KLHDC8A: variants seen among roughly 807,000 people sequenced by gnomAD.
KLHDC8A encodes the protein kelch domain containing 8A, also known as kelch domain-containing protein 8A.
A neutral mutation model predicts 33.1 loss-of-function variants in KLHDC8A; 21 were observed. That is an observed-to-expected ratio of 0.64 (90% CI 0.45 to 0.91). KLHDC8A has a LOEUF of 0.91. KLHDC8A is among the 40% of genes least tolerant of loss of function. The pLI is 0.00. For missense variants in KLHDC8A, 435 were observed against 483.3 expected (o/e 0.90, Z 0.94); for synonymous variants, 173 against 193.5 (o/e 0.89, Z 0.88).
chr1:205,345,840 C>T (rs1249717182), intron 1 of KLHDC8A, among the ~76,000 whole-genome samples: 5 of 152,022 alleles, frequency 3.3e-5, no homozygotes, highest in African/African-American at 1.2e-4. Flanking sequence ...TTTGGATGGC[C>T]GAGGTACGTG....
At chr1:205,338,667 T>G (rs1662703056) in intron 4 of KLHDC8A, 71 bp from the exon 5 acceptor site, 2 of 1,265,286 alleles carry the variant, frequency 1.6e-6, no homozygotes, top group East Asian at 4.6e-5. Flanking sequence ...AAATGCAGAT[T>G]GTGGCCCAAA....
rs1045089273 is a variant in KLHDC8A at position 205,343,705 on chromosome 1, T to C, written c.-101A>G. On this transcript the variant is annotated 5_prime_UTR_variant, in exon 2 of 6. Transcript: ENST00000367155. ...CACGGCCCCTATCGCCACCTCCATC[T>C]GGCTCCCGAGCGCCGGACCCAGCCA... is the stretch of plus-strand genomic sequence containing the variant. 3 of 1,311,158 alleles carry C rather than the reference T, an allele frequency of 2.3e-6. No homozygotes were observed. The African/African-American group carries it at 4.4e-5, about 19-fold the overall frequency. The allele number at this position is 1,311,158 out of a possible 1,614,324, so 81.2% of individuals were successfully genotyped here. A position where few individuals can be genotyped will look rare whatever the true frequency, so the allele number is the denominator to read the frequency against.
chr1:205,349,883 G>A lies in KLHDC8A; in HGVS notation c.-189-6090C>T, dbSNP rs546912296. On this transcript the variant is annotated intron_variant, in intron 1 of 5. Transcript: ENST00000367155. ...CCAGCCTACGTTTTGTTGTAACCGGGCTGTGCAACTATGGGCAAGTCATAT... is the reference window on the plus strand; with the variant it reads ...CCAGCCTACGTTTTGTTGTAACCGGACTGTGCAACTATGGGCAAGTCATAT... Among the ~76,000 whole-genome samples, 6 of 152,290 alleles carry A rather than the reference G, an allele frequency of 3.9e-5. No homozygotes were observed. The East Asian group carries it at 1.2e-3, about 29-fold the overall frequency.
Position 205,343,495 on chromosome 1 carries a change from C to T in KLHDC8A, c.110G>A (p.Gly37Glu), listed in dbSNP as rs1338225907. ...GGGGACGCCGTTGTCGTCACATCCC[C>T]CGATGGCATAGACCTGGCCCCCGGT... Reference protein sequence around the residue: ...LETGGQVYAIGGCDDNGVPMD... With the variant: ...LETGGQVYAIEGCDDNGVPMD... Residue 37 changes from glycine (G) to glutamate (E), a missense_variant, in exon 2 of 6, where the codon GGG becomes GAG. Transcript: ENST00000367155. 1 of 1,613,606 alleles carries T rather than the reference C, an allele frequency of 6.2e-7. No homozygotes were observed. Among genetic ancestry groups the T allele is most frequent in the Admixed American group, 1.7e-5 (1 of 60,028 alleles).
rs1421719939 is a variant in KLHDC8A, at chr1:205,356,553, C to T, written c.-210G>A. 8.8e-6 allele frequency: 4 copies of T among 456,102 alleles called. No homozygotes were observed. Among genetic ancestry groups the T allele is most frequent in the Non-Finnish European group, 1.8e-5 (4 of 226,968 alleles). 28.3% of individuals were successfully genotyped at this position (456,102 alleles called of 1,614,324 possible). ...CTTACCTGACTGGAGGGAAAAGGAT[C>T]GACACCCGGCGATCATCTGCAAAAG... is the stretch of plus-strand genomic sequence containing the variant. On this transcript the variant is annotated 5_prime_UTR_variant, in exon 1 of 6. Transcript: ENST00000367155.
In KLHDC8A at chr1:205,339,758, T is replaced by G. The variant is rs1662740525; in HGVS notation, c.427A>C (p.Asn143His). 3 of 1,613,978 alleles carry G rather than the reference T, an allele frequency of 1.9e-6. No homozygotes were observed. The highest frequency in any genetic ancestry group is 2.5e-6 in the Non-Finnish European group (3 of 1,179,984). ...AGCATGTCATAGTGTTGGAGGTGGT[T>G]GTGTGGACGTAGGTCCAGGCCCATC... ...GGMGLDLRPH[N>H]HLQHYDMLKD... Residue 143 changes from asparagine to histidine, a missense_variant, in exon 3 of 6, where the codon AAC (asparagine) becomes CAC (histidine). By Grantham distance (68) the Asn-to-His change is moderately conservative. Coordinates refer to ENST00000367155, the MANE Select transcript of KLHDC8A (RefSeq NM_018203.3). This position sits in a 1 kb window ranked among gnomAD's most constrained non-coding sequence, Gnocchi z 5.1.
chr1:205,354,019 C>T (rs916447588), intron 1 of KLHDC8A, among the ~76,000 whole-genome samples: 1 of 152,166 alleles, frequency 6.6e-6, no homozygotes, highest in African/African-American at 2.4e-5. Context: ...CTAAGATGAC[C>T]ACCAGCAGCC....
intron 1 of KLHDC8A, among the ~76,000 whole-genome samples, chr1:205,349,253 T>C (rs1663028757): frequency 6.6e-6 from 1 of 152,170 alleles, no homozygotes; most frequent in African/African-American, 2.4e-5. Context: ...ATGGCCTCAG[T>C]TATTCAGGTT....
At chr1:205,344,792 CT>C (rs1318368577) in intron 1 of KLHDC8A, among the ~76,000 whole-genome samples, 1 of 152,100 alleles carries the variant, frequency 6.6e-6, no homozygotes, top group Non-Finnish European at 1.5e-5. Flanking sequence ...TGCCGCCGCC[CT>C]CGAAATAGAC....
Position 205,339,009 on chromosome 1 carries a change from C to G in KLHDC8A, c.757+185G>C, listed in dbSNP as rs114395689. ...AAAACCAACCAAGCAAAAAGGGGAC[C>G]TATACCAATGAAGGAATTTGATTCC... On this transcript the variant is annotated intron_variant, in intron 4 of 5. Transcript: ENST00000367155. This position sits in a 1 kb window ranked among gnomAD's most constrained non-coding sequence, Gnocchi z 5.1. Among the ~76,000 whole-genome samples, 2 of 152,248 alleles carry G rather than the reference C, an allele frequency of 1.3e-5. No homozygotes were observed. The highest frequency in any genetic ancestry group is 1.9e-4 in the East Asian group (1 of 5,168).
chr1:205,338,640 T>C, intron 4 of KLHDC8A, 44 bp from the exon 5 acceptor site: 1 of 1,479,244 alleles, frequency 6.8e-7, no homozygotes, highest in Non-Finnish European at 9.4e-7. Context: ...CAGAATAAGA[T>C]ACAGACCACT....
intron 1 of KLHDC8A, chr1:205,351,469 T>C (rs534219285): frequency 2.6e-6 from 2 of 781,798 alleles, no homozygotes; most frequent in Admixed American, 1.7e-5. Context: ...AGCCTTGGAA[T>C]GAGTATAAAT....
intron 1 of KLHDC8A, among the ~76,000 whole-genome samples, chr1:205,347,263 C>T (rs1235234500): frequency 1.3e-5 from 2 of 152,200 alleles, no homozygotes; most frequent in Non-Finnish European, 2.9e-5. Flanking sequence ...GAGTGCTAAT[C>T]GGAGGGAGAG....
chr1:205,339,623 A>G lies in KLHDC8A; in HGVS notation c.541+21T>C, dbSNP rs756506828. ...CAAGGGAAGGAAGGAGGGTAGGTAT[A>G]GAACAGTAACCTGTCCTTACCCAGC... On this transcript the variant is annotated intron_variant, in intron 3 of 5. Transcript: ENST00000367155. The surrounding 1 kb of genome is among the most constrained non-coding windows in gnomAD (Gnocchi z 5.1). 1.2e-6 allele frequency: 2 copies of G among 1,613,206 alleles called. No individual in the cohort carries two copies. Among genetic ancestry groups the G allele is most frequent in the South Asian group, 2.2e-5 (2 of 90,972 alleles).
chr1:205,353,712 C>T (rs761124191), intron 1 of KLHDC8A, among the ~76,000 whole-genome samples: 24 of 152,188 alleles, frequency 1.6e-4, no homozygotes, highest in Non-Finnish European at 2.9e-4. Context: ...TTCTTGACAA[C>T]GTGCTTCACA....
Position 205,339,642 on chromosome 1 carries a change from AC to A in KLHDC8A, c.541+1del. The A allele has an allele frequency of 6.2e-7, 1 of 1,613,920 alleles. No homozygotes were observed. The highest frequency in any genetic ancestry group is 8.5e-7 in the Non-Finnish European group (1 of 1,179,894). On this transcript the variant is annotated splice_donor_variant, in intron 3 of 5. Transcript: ENST00000367155. LOFTEE classifies it high-confidence loss of function. The surrounding 1 kb of genome is among the most constrained non-coding windows in gnomAD (Gnocchi z 5.1). Reference sequence around the variant, plus strand: ...AGGTATAGAACAGTAACCTGTCCTTACCCAGCACGTAGATCTTGGAGCCTCG... The same window carrying A: ...AGGTATAGAACAGTAACCTGTCCTTACCAGCACGTAGATCTTGGAGCCTCG...
Position 205,343,638 on chromosome 1 carries a change from G to A in KLHDC8A, c.-34C>T, listed in dbSNP as rs910180145. The A allele has an allele frequency of 3.3e-6, 5 of 1,535,680 alleles. No homozygotes were observed. The highest frequency in any genetic ancestry group is 4.4e-6 in the Non-Finnish European group (5 of 1,140,762). The stretch of plus-strand genomic sequence containing the variant: ...TGGGGAGCGCCCGGGCGCCGGGAGA[G>A]GTGCGAGCGCGGGGGTCCACCGGCT... On this transcript the variant is annotated 5_prime_UTR_variant, in exon 2 of 6. Coordinates refer to ENST00000367155, the MANE Select transcript of KLHDC8A (RefSeq NM_018203.3).
intron 1 of KLHDC8A, among the ~76,000 whole-genome samples, chr1:205,354,652 C>G (rs776921156): frequency 7.2e-5 from 11 of 152,080 alleles, no homozygotes; most frequent in Non-Finnish European, 1.3e-4. Flanking sequence ...TGCCAGTTTC[C>G]TCAGTTGCTT....
intron 1 of KLHDC8A, among the ~76,000 whole-genome samples, chr1:205,353,478 C>T (rs1437717420): frequency 6.6e-6 from 1 of 152,198 alleles, no homozygotes; most frequent in Admixed American, 6.5e-5. Flanking sequence ...GTGCCCTCCC[C>T]TGCACCTTAG....
Sources: allele counts gnomAD v4.1 joint callset (sites outside exome capture counted in the v4.1 genomes callset), GRCh38; gene constraint gnomAD v4.1.1; non-coding constraint Gnocchi (gnomAD v3.1); transcripts MANE v1.5; gene names NCBI Gene and HGNC (gene_info 2026-07-23, HGNC 2026-07-21).